Variants in CDKN2B-AS1 observed in about 807,000 individuals in gnomAD.
The protein encoded by CDKN2B-AS1 is CDKN2B antisense RNA 1 (non-protein coding).
chr9:22,071,326 G>A (rs1193537503), intron 4 of CDKN2B-AS1, among the ~76,000 whole-genome samples: 2 of 112,108 alleles, frequency 1.8e-5, no homozygotes, highest in East Asian at 2.6e-4. Context: ...TAGACACGGA[G>A]TCTTGCTCTG....
chr9:22,031,105 C>G (rs997670698), intron 1 of CDKN2B-AS1: 2 of 152,118 alleles, frequency 1.3e-5, no homozygotes, highest in African/African-American at 4.8e-5. Context: ...ACAATGCATG[C>G]CACATTCTCA....
At chr9:22,024,631 C>T (rs970576878) in intron 1 of CDKN2B-AS1, among the ~76,000 whole-genome samples, 22 of 152,256 alleles carry the variant, frequency 1.4e-4, no homozygotes, top group African/African-American at 4.8e-4. Context: ...TGGCTGTGTG[C>T]TGCTAAGGTT....
intron 1 of CDKN2B-AS1, among the ~76,000 whole-genome samples, chr9:22,025,570 T>G (rs1250845920): frequency 6.6e-6 from 1 of 152,140 alleles, no homozygotes; most frequent in Non-Finnish European, 1.5e-5. Context: ...GTCTGTTCAC[T>G]TTTCCATAGG....
intron 4 of CDKN2B-AS1, among the ~76,000 whole-genome samples, chr9:22,063,294 T>A (rs1823900342): frequency 6.6e-6 from 1 of 152,078 alleles, no homozygotes; most frequent in South Asian, 2.1e-4. Context: ...AAAGTTCAGT[T>A]TTGTGACACC....
chr9:22,062,484 T>C (rs1053221912), intron 4 of CDKN2B-AS1, among the ~76,000 whole-genome samples: 3 of 152,192 alleles, frequency 2.0e-5, no homozygotes, highest in Admixed American at 6.5e-5. Flanking sequence ...TGAAACATTA[T>C]TCTCTTTTCT....
chr9:22,068,466 G>A (rs1436968606), intron 4 of CDKN2B-AS1, among the ~76,000 whole-genome samples: 1 of 152,194 alleles, frequency 6.6e-6, no homozygotes, highest in Non-Finnish European at 1.5e-5. Context: ...GTCAGGCGGA[G>A]AAGAATGTCC....
intron 4 of CDKN2B-AS1, among the ~76,000 whole-genome samples, chr9:22,083,976 A>T (rs190702804): frequency 4.8e-4 from 73 of 152,314 alleles, no homozygotes; most frequent in African/African-American, 1.5e-3. Flanking sequence ...CATCTTTGTG[A>T]TCTTAAATCT....
intron 1 of CDKN2B-AS1, among the ~76,000 whole-genome samples, chr9:22,042,359 A>G (rs891967732): frequency 6.6e-6 from 1 of 152,140 alleles, no homozygotes; most frequent in Non-Finnish European, 1.5e-5. Flanking sequence ...AACAATTATA[A>G]TATTCTGAAA....
intron 4 of CDKN2B-AS1, among the ~76,000 whole-genome samples, chr9:22,074,506 T>C (rs1824419131): frequency 1.3e-5 from 2 of 152,194 alleles, no homozygotes; most frequent in African/African-American, 2.4e-5. Context: ...TTTACATAAA[T>C]ATATATATCC....
intron 4 of CDKN2B-AS1, among the ~76,000 whole-genome samples, chr9:22,064,747 C>A (rs1312689521): frequency 6.6e-6 from 1 of 152,044 alleles, no homozygotes; most frequent in East Asian, 1.9e-4. Flanking sequence ...AGGCATCTGG[C>A]CTGTTCTCCC....
chr9:22,047,890 C>A (rs552494246), intron 2 of CDKN2B-AS1, among the ~76,000 whole-genome samples: 1 of 151,310 alleles, frequency 6.6e-6, no homozygotes, highest in Admixed American at 6.6e-5. Context: ...GGGCTATAGT[C>A]GTCCTCCTGC....
Position 22,065,975 on chromosome 9 carries a change from C to T in CDKN2B-AS1, n.438+9588C>T, listed in dbSNP as rs189448132. Among the ~76,000 whole-genome samples the T allele has an allele frequency of 6.0e-4, 91 of 152,286 alleles. 1 individual carries two copies. The highest frequency in any genetic ancestry group is 2.8e-3 in the Admixed American group (43 of 15,292). On this transcript the variant is annotated intron_variant and non_coding_transcript_variant, in intron 4 of 4. Transcript: ENST00000650946. ...AGAAACTCTGTCTCATGAGCACTCCCTGGACACGGAAGTTCTTTGAAATAG... is the reference window on the plus strand; with the variant it reads ...AGAAACTCTGTCTCATGAGCACTCCTTGGACACGGAAGTTCTTTGAAATAG...
chr9:22,095,085 G>C lies in CDKN2B-AS1; in HGVS notation n.439-32018G>C, dbSNP rs911208986. Among the ~76,000 whole-genome samples, 70 of 144,988 alleles carry C rather than the reference G, an allele frequency of 4.8e-4. 3 individuals carry two copies. Among genetic ancestry groups the C allele is most frequent in the South Asian group, 2.1e-4 (1 of 4,750 alleles). ...AGTTTGCTGGAGGTCCACTCCAGAC[G>C]CTGTTTGCCTGGGTATCAGCAGCGG... On this transcript the variant is annotated intron_variant and non_coding_transcript_variant, in intron 4 of 4. Transcript: ENST00000650946.
intron 1 of CDKN2B-AS1, chr9:22,008,901 A>T (rs372664976): frequency 1.9e-6 from 3 of 1,612,910 alleles, no homozygotes; most frequent in Non-Finnish European, 2.5e-6. Flanking sequence ...GGCGCTGGCC[A>T]GACCCTCATC....
At position 22,005,331 on chromosome 9, in the gene CDKN2B-AS1, T is replaced by G. The variant is rs3217986; in HGVS notation, n.29+10170T>G. On this transcript the variant is annotated intron_variant and non_coding_transcript_variant, in intron 1 of 4. Coordinates refer to ENST00000650946, the Ensembl canonical transcript of CDKN2B-AS1. This position sits in a 1 kb window ranked among gnomAD's most constrained non-coding sequence, Gnocchi z 4.9. ...TTTAGCATCTGTCGTCGCTTGCACA[T>G]CCTCTCTTACCCCTCTGCTATCTGG... The G allele has an allele frequency of 0.088, 20,877 of 238,184 alleles. 1,450 individuals are homozygous for G. Among genetic ancestry groups the G allele is most frequent in the Admixed American group, 0.25 (4,710 of 18,840 alleles). The allele number at this position is 238,184 out of a possible 1,614,324, so 14.8% of individuals were successfully genotyped here.
At chr9:22,082,178 A>G (rs1404502530) in intron 4 of CDKN2B-AS1, among the ~76,000 whole-genome samples, 1 of 152,190 alleles carries the variant, frequency 6.6e-6, no homozygotes, top group Non-Finnish European at 1.5e-5. Context: ...GTTGATTTTT[A>G]TAATTTTGGG....
In CDKN2B-AS1 at chr9:22,059,383, C is replaced by T. The variant is rs117914182; in HGVS notation, n.438+2996C>T. 8.2e-3 allele frequency among the ~76,000 whole-genome samples: 1,244 copies of T among 152,276 alleles called. 83 individuals carry two copies. In the East Asian group the frequency reaches 0.17, roughly 21 times the overall value. On this transcript the variant is annotated intron_variant and non_coding_transcript_variant, in intron 4 of 4. Transcript: ENST00000650946. ...GGGCCCATGCAAGTCCAAAATCCAG[C>T]GAGGCAGTCAAACTTTGAAGCTCCA...
chr9:22,028,055 T>C (rs535548385), intron 1 of CDKN2B-AS1, among the ~76,000 whole-genome samples: 2 of 152,278 alleles, frequency 1.3e-5, no homozygotes, highest in African/African-American at 2.4e-5. Flanking sequence ...TCTAATCACA[T>C]AGAGACTTGT....
chr9:22,067,714 ACT>A, intron 4 of CDKN2B-AS1, among the ~76,000 whole-genome samples: 2 of 152,114 alleles, frequency 1.3e-5, no homozygotes, highest in South Asian at 4.2e-4. Flanking sequence ...TGTTGATTAA[ACT>A]CTTTTTTTTG....
Sources: allele counts gnomAD v4.1 joint callset (sites outside exome capture counted in the v4.1 genomes callset), GRCh38; gene constraint gnomAD v4.1.1; non-coding constraint Gnocchi (gnomAD v3.1); transcripts MANE v1.5; gene names NCBI Gene and HGNC (gene_info 2026-07-23, HGNC 2026-07-21).